The following MED9 variants were observed in gnomAD, a reference collection of about 807,000 sequenced individuals.
MED9 encodes mediator complex subunit 9.
Under a neutral mutation model 13.2 loss-of-function variants are expected in MED9, and 8 were observed. That is an observed-to-expected ratio of 0.61 (90% CI 0.36 to 1.10). The LOEUF (loss-of-function observed/expected upper bound fraction) is 1.10. Ranked by LOEUF, MED9 falls within the 50% of genes least tolerant of loss-of-function variation. MED9 has a pLI of 0.02. For missense variants in MED9, 180 were observed against 193.4 expected, an observed-to-expected ratio of 0.93 and a Z score of 0.41; for synonymous variants, 87 against 82.8, an observed-to-expected ratio of 1.05 and a Z score of -0.28.
intron 1 of MED9, chr17:17,477,539 C>T: frequency 2.2e-6 from 1 of 445,090 alleles, no homozygotes; most frequent in East Asian, 3.8e-5. Context: ...AAATGTTCAT[C>T]CCAGCGATCT....
chr17:17,478,769 A>G (rs906183415), intron 1 of MED9, among the ~76,000 whole-genome samples: 3 of 152,100 alleles, frequency 2.0e-5, no homozygotes, highest in African/African-American at 7.2e-5. Flanking sequence ...AGGCAGGAGA[A>G]TCACTTGAAC....
In MED9 at chr17:17,483,817, A is replaced by G. The variant is rs769057880; in HGVS notation, c.224+6552A>G. ...CTGGATGTGGTGGTGCACGCCTGTA[A>G]TCCCAGCTACTAGGGAGGCTGAGGC... On this transcript the variant is annotated intron_variant, in intron 1 of 1. Transcript: ENST00000268711. The surrounding 1 kb of genome is among the most constrained non-coding windows in gnomAD (Gnocchi z 4.2). 4.6e-5 allele frequency among the ~76,000 whole-genome samples: 7 copies of G among 152,094 alleles called. No individual in the cohort carries two copies. Among genetic ancestry groups the G allele is most frequent in the Non-Finnish European group, 8.8e-5 (6 of 67,984 alleles).
chr17:17,477,336 A>G (rs974036882), intron 1 of MED9, 71 bp downstream of exon 1: 16 of 1,474,990 alleles, frequency 1.1e-5, no homozygotes, highest in Non-Finnish European at 1.4e-5. Context: ...CAGAGCTGCA[A>G]GAGGCCTTGG....
rs117644167 is a variant in MED9 at position 17,491,362 on chromosome 17, C to T, written c.308C>T (p.Thr103Ile). The change falls in exon 2 of 2, where the codon ACC (threonine) becomes ATC (isoleucine). Residue 103 changes from threonine (T) to isoleucine (I), a missense_variant. Transcript: ENST00000268711. Reference sequence around the variant, plus strand: ...CAGGAGATGCGCAAGCTCATCAGCACCATGCCCGGCATCCACCTGAGCCCC... The same window carrying T: ...CAGGAGATGCGCAAGCTCATCAGCATCATGCCCGGCATCCACCTGAGCCCC... Reference protein sequence around the residue: ...KFQEMRKLISTMPGIHLSPEQ... With the variant: ...KFQEMRKLISIMPGIHLSPEQ... 75 of 1,614,032 alleles carry T rather than the reference C, an allele frequency of 4.6e-5. No homozygotes were observed. The Middle Eastern group carries it at 1.3e-3, about 28-fold the overall frequency.
chr17:17,477,325 T>G, intron 1 of MED9, 60 bp downstream of exon 1: 1 of 1,496,686 alleles, frequency 6.7e-7, no homozygotes, highest in Non-Finnish European at 8.9e-7. Flanking sequence ...CTCAGCCGTT[T>G]CAGAGCTGCA....
At chr17:17,490,984 C>T (rs1433595215) in intron 1 of MED9, among the ~76,000 whole-genome samples, 1 of 152,132 alleles carries the variant, frequency 6.6e-6, no homozygotes, top group South Asian at 2.1e-4. Flanking sequence ...AGGGAGACAC[C>T]TGTGACCAGG....
chr17:17,491,501 G>A lies in MED9; in HGVS notation c.*6G>A. ...TCGAAATCCCCAAGGAGTAGAGTGA[G>A]GCTGACTTCCTTAGAAAGAGGGGGA... On this transcript the variant is annotated 3_prime_UTR_variant, in exon 2 of 2. Coordinates refer to ENST00000268711, the MANE Select transcript of MED9 (RefSeq NM_018019.3). 6.2e-7 allele frequency: 1 copy of A among 1,603,838 alleles called. No homozygotes were observed. The highest frequency in any genetic ancestry group is 8.5e-7 in the Non-Finnish European group (1 of 1,171,062).
chr17:17,487,955 T>A (rs1418001884), intron 1 of MED9: 1 of 152,276 alleles, frequency 6.6e-6, no homozygotes, highest in Non-Finnish European at 1.5e-5. Flanking sequence ...CAAAGCCATC[T>A]GAAACAGTGG....
intron 1 of MED9, among the ~76,000 whole-genome samples, chr17:17,484,315 G>A (rs1180905228): frequency 6.6e-6 from 1 of 152,224 alleles, no homozygotes; most frequent in Non-Finnish European, 1.5e-5. Flanking sequence ...GTAGGTAGAG[G>A]GGAGCCGTCC....
intron 1 of MED9, among the ~76,000 whole-genome samples, chr17:17,490,736 T>C (rs1464189560): frequency 1.3e-5 from 2 of 152,216 alleles, no homozygotes; most frequent in Non-Finnish European, 2.9e-5. Context: ...CAAGCCAGCA[T>C]CAAAACCTCA....
intron 1 of MED9, among the ~76,000 whole-genome samples, chr17:17,479,250 A>G (rs1904984795): frequency 6.6e-6 from 1 of 152,052 alleles, no homozygotes; most frequent in African/African-American, 2.4e-5. Flanking sequence ...TAAATGCCTA[A>G]CCTTTCTAGG....
Position 17,477,224 on chromosome 17 carries a change from GAAC to G in MED9, c.184_186del (p.Asn62del), listed in dbSNP as rs764351385. ...CACCTGCCCGCGCGAGGGAGGAAGA[GAAC>G]TACTCCTTTTTACCTTTGGTTCACA... On this transcript the variant is annotated inframe_deletion, in exon 1 of 2. Coordinates refer to ENST00000268711, the MANE Select transcript of MED9 (RefSeq NM_018019.3). The G allele has an allele frequency of 2.5e-6, 4 of 1,609,454 alleles. No homozygotes were observed. The highest frequency in any genetic ancestry group is 1.7e-4 in the Middle Eastern group (1 of 6,020).
At chr17:17,487,966 A>G (rs550541492) in intron 1 of MED9, 1 of 152,398 alleles carries the variant, frequency 6.6e-6, no homozygotes, top group Non-Finnish European at 1.5e-5. Flanking sequence ...GAAACAGTGG[A>G]CACCACATGT....
At chr17:17,479,384 T>C (rs1443835198) in intron 1 of MED9, among the ~76,000 whole-genome samples, 1 of 152,186 alleles carries the variant, frequency 6.6e-6, no homozygotes. Flanking sequence ...TCTGAGCCTG[T>C]TTTTCTCTTG....
Position 17,483,202 on chromosome 17 carries a change from A to G in MED9, c.224+5937A>G, listed in dbSNP as rs373518625. On this transcript the variant is annotated intron_variant, in intron 1 of 1. Coordinates refer to ENST00000268711, the MANE Select transcript of MED9 (RefSeq NM_018019.3). The surrounding 1 kb of genome is among the most constrained non-coding windows in gnomAD (Gnocchi z 4.2). ...CTTTTGAGTATTATAATCAGCATTTAATTAGTCTCTTTGCCTTTATGCTTA... is the reference window on the plus strand; with the variant it reads ...CTTTTGAGTATTATAATCAGCATTTGATTAGTCTCTTTGCCTTTATGCTTA... Among the ~76,000 whole-genome samples, 23 of 152,306 alleles carry G rather than the reference A, an allele frequency of 1.5e-4. No homozygotes were observed. Among genetic ancestry groups the G allele is most frequent in the African/African-American group, 5.1e-4 (21 of 41,564 alleles).
chr17:17,491,177 A>G, intron 1 of MED9, 102 bp from the exon 2 acceptor site: 1 of 1,141,266 alleles, frequency 8.8e-7, no homozygotes, highest in South Asian at 1.3e-5. Flanking sequence ...GAAGTGTTCT[A>G]AAAGCTATGG....
At position 17,492,772 on chromosome 17, in the gene MED9, G is replaced by A. The variant is rs963705581; in HGVS notation, c.*1277G>A. 2.6e-5 allele frequency: 4 copies of A among 152,320 alleles called. No homozygotes were observed. The highest frequency in any genetic ancestry group is 5.9e-5 in the Non-Finnish European group (4 of 68,106). The allele number at this position is 152,320 out of a possible 1,614,324, so 9.4% of individuals were successfully genotyped here. A position where few individuals can be genotyped will look rare whatever the true frequency, so the allele number is the denominator to read the frequency against. Reference sequence around the variant, plus strand: ...GCCTGCCAGCTGACCTCGTTGGCAGGAGGGTTGGGTGGAGATGTTTTTAGC... The same window carrying A: ...GCCTGCCAGCTGACCTCGTTGGCAGAAGGGTTGGGTGGAGATGTTTTTAGC... On this transcript the variant is annotated 3_prime_UTR_variant, in exon 2 of 2. Coordinates refer to ENST00000268711, the MANE Select transcript of MED9 (RefSeq NM_018019.3).
At chr17:17,480,044 C>T (rs1905004338) in intron 1 of MED9, among the ~76,000 whole-genome samples, 1 of 152,132 alleles carries the variant, frequency 6.6e-6, no homozygotes, top group Non-Finnish European at 1.5e-5. Context: ...TGTCCCACCT[C>T]CCATCCCCTC....
In MED9 at chr17:17,481,021, A is replaced by G. The variant is rs572123369; in HGVS notation, c.224+3756A>G. On this transcript the variant is annotated intron_variant, in intron 1 of 1. Coordinates refer to ENST00000268711, the MANE Select transcript of MED9 (RefSeq NM_018019.3). The stretch of plus-strand genomic sequence containing the variant: ...TAAGGACACGAAGCCAAGAAATAGC[A>G]TCTACTCATGGGAGTCAGCTTCTAG... Among the ~76,000 whole-genome samples, 34 of 152,340 alleles carry G rather than the reference A, an allele frequency of 2.2e-4. 1 individual carries two copies. Among genetic ancestry groups the G allele is most frequent in the African/African-American group, 7.2e-4 (30 of 41,570 alleles).
Sources: gnomAD v4.1 joint callset for allele counts (sites outside exome capture counted in the v4.1 genomes callset) on GRCh38, gnomAD v4.1.1 for gene constraint, Gnocchi (gnomAD v3.1) non-coding constraint, MANE v1.5 for transcripts, NCBI Gene and HGNC (gene_info 2026-07-23, HGNC 2026-07-21) for gene names.